The following NXPH2 variants were observed in gnomAD, a reference collection of about 807,000 sequenced individuals.
The protein encoded by NXPH2 is neurexophilin-2.
In NXPH2, 5 loss-of-function variants were observed where a neutral mutation model predicts 19.8. The ratio of observed to expected loss-of-function variants is 0.25; its 90% CI spans 0.13 to 0.53. The LOEUF (loss-of-function observed/expected upper bound fraction) is 0.53, where lower values mean the gene tolerates loss of function less well. NXPH2 is among the 20% of genes least tolerant of loss of function. The probability of loss-of-function intolerance (pLI) is 0.96; values close to 1 mark genes in which losing one functional copy is unlikely to be tolerated. For missense variants in NXPH2, 289 were observed against 322.8 expected (o/e 0.90, Z 0.80); for synonymous variants, 154 against 127.4 (o/e 1.21, Z -1.41).
chr2:138,718,698 G>A (rs1388242202), intron 1 of NXPH2, among the ~76,000 whole-genome samples: 2 of 152,144 alleles, frequency 1.3e-5, no homozygotes, highest in Admixed American at 6.6e-5. Flanking sequence ...GTGGCTAAAG[G>A]TAAGTGTCTT....
chr2:138,733,731 A>G (rs1346835598), intron 1 of NXPH2, among the ~76,000 whole-genome samples: 1 of 152,206 alleles, frequency 6.6e-6, no homozygotes, highest in Non-Finnish European at 1.5e-5. Flanking sequence ...AAAGGAGGCT[A>G]CTGTACCCAT....
At chr2:138,767,737 T>C (rs1287744465) in intron 1 of NXPH2, among the ~76,000 whole-genome samples, 1 of 152,246 alleles carries the variant, frequency 6.6e-6, no homozygotes, top group East Asian at 1.9e-4. Context: ...ATTTTTCATT[T>C]GAGCATGGAA....
At chr2:138,716,574 G>A (rs192019402) in intron 1 of NXPH2, among the ~76,000 whole-genome samples, 67 of 152,256 alleles carry the variant, frequency 4.4e-4, no homozygotes, top group Admixed American at 2.5e-3. Flanking sequence ...GTTTAAGCCC[G>A]TCAGTTTGTG....
At chr2:138,673,170 T>G (rs1262127056) in intron 1 of NXPH2, among the ~76,000 whole-genome samples, 1 of 152,238 alleles carries the variant, frequency 6.6e-6, no homozygotes, top group African/African-American at 2.4e-5. Flanking sequence ...CAAATTGGTA[T>G]GATGCATATT....
At chr2:138,679,801 T>C (rs1680545449) in intron 1 of NXPH2, among the ~76,000 whole-genome samples, 1 of 152,208 alleles carries the variant, frequency 6.6e-6, no homozygotes, top group Non-Finnish European at 1.5e-5. Flanking sequence ...TTTAGAAATA[T>C]TTCCACAAAA....
At chr2:138,723,405 T>C (rs1681309583) in intron 1 of NXPH2, among the ~76,000 whole-genome samples, 1 of 152,228 alleles carries the variant, frequency 6.6e-6, no homozygotes, top group South Asian at 2.1e-4. Context: ...TCAGCCCATT[T>C]GGCTCAAACC....
chr2:138,698,270 T>C (rs1204085126), intron 1 of NXPH2, among the ~76,000 whole-genome samples: 2 of 152,168 alleles, frequency 1.3e-5, no homozygotes, highest in African/African-American at 4.8e-5. Context: ...GGGATACTCA[T>C]TTCTATAATG....
intron 1 of NXPH2, among the ~76,000 whole-genome samples, chr2:138,739,984 G>A (rs1055944551): frequency 3.9e-5 from 6 of 152,172 alleles, no homozygotes; most frequent in African/African-American, 1.4e-4. Flanking sequence ...AATAGCTGTG[G>A]TAATTTTGCC....
chr2:138,757,805 G>C (rs1681937117), intron 1 of NXPH2, among the ~76,000 whole-genome samples: 1 of 143,222 alleles, frequency 7.0e-6, no homozygotes, highest in African/African-American at 2.6e-5. Flanking sequence ...GTATATGTGT[G>C]TGTTTCTTTA....
chr2:138,673,699 A>G (rs1680445451), intron 1 of NXPH2, among the ~76,000 whole-genome samples: 1 of 151,434 alleles, frequency 6.6e-6, no homozygotes, highest in Admixed American at 6.6e-5. Context: ...GGTGGTCTCA[A>G]GCTGCTGGCC....
rs1258472522 is a variant in NXPH2 at position 138,670,468 on chromosome 2, C to A, written c.*454G>T. On this transcript the variant is annotated 3_prime_UTR_variant, in exon 2 of 2. Transcript: ENST00000272641. ...AGATAGAAATATAAAAAAAAGGGTCCAATGTCAAAAACACAATTCATCTAT... is the reference window on the plus strand; with the variant it reads ...AGATAGAAATATAAAAAAAAGGGTCAAATGTCAAAAACACAATTCATCTAT... Among the ~76,000 whole-genome samples the A allele has an allele frequency of 2.6e-5, 4 of 152,096 alleles. No individual in the cohort carries two copies. The highest frequency in any genetic ancestry group is 2.6e-4 in the Admixed American group (4 of 15,270).
At chr2:138,738,994 T>C (rs904293960) in intron 1 of NXPH2, among the ~76,000 whole-genome samples, 3 of 152,144 alleles carry the variant, frequency 2.0e-5, no homozygotes, top group Non-Finnish European at 4.4e-5. Context: ...AACGAAGTCC[T>C]GGGAAACAGA....
At chr2:138,771,349 G>C (rs1682171340) in intron 1 of NXPH2, among the ~76,000 whole-genome samples, 2 of 151,894 alleles carry the variant, frequency 1.3e-5, no homozygotes, top group Admixed American at 1.3e-4. Flanking sequence ...TATTATAAAA[G>C]CATACATATC....
intron 1 of NXPH2, among the ~76,000 whole-genome samples, chr2:138,685,839 T>C (rs1680643275): frequency 6.6e-6 from 1 of 152,184 alleles, no homozygotes; most frequent in African/African-American, 2.4e-5. Context: ...TCCATGCTGC[T>C]CCCAGAGTAA....
At chr2:138,724,316 T>C (rs1353182650) in intron 1 of NXPH2, among the ~76,000 whole-genome samples, 3 of 152,262 alleles carry the variant, frequency 2.0e-5, no homozygotes, top group Non-Finnish European at 2.9e-5. Flanking sequence ...TTAGGGAATG[T>C]TGCATCCATT....
intron 1 of NXPH2, among the ~76,000 whole-genome samples, chr2:138,679,646 C>T (rs531983621): frequency 6.6e-6 from 1 of 152,224 alleles, no homozygotes; most frequent in East Asian, 1.9e-4. Flanking sequence ...GTGATCCACC[C>T]GCCTCTGCCT....
At chr2:138,691,250 A>C (rs943933661) in intron 1 of NXPH2, among the ~76,000 whole-genome samples, 9 of 152,184 alleles carry the variant, frequency 5.9e-5, no homozygotes, top group Non-Finnish European at 1.0e-4. Context: ...AAATTCTTCA[A>C]CTTACAAAAT....
intron 1 of NXPH2, among the ~76,000 whole-genome samples, chr2:138,682,833 T>C (rs1680597815): frequency 6.6e-6 from 1 of 152,172 alleles, no homozygotes; most frequent in South Asian, 2.1e-4. Flanking sequence ...GAAAAATCAG[T>C]GACACCAACC....
At chr2:138,777,248 T>A (rs1447980836) in intron 1 of NXPH2, among the ~76,000 whole-genome samples, 1 of 152,158 alleles carries the variant, frequency 6.6e-6, no homozygotes. Flanking sequence ...TTTCAAATGC[T>A]AATTTTTTTC....
Sources: gnomAD v4.1 joint callset for allele counts (sites outside exome capture counted in the v4.1 genomes callset) on GRCh38, gnomAD v4.1.1 for gene constraint, MANE v1.5 for transcripts, NCBI Gene and HGNC (gene_info 2026-07-23, HGNC 2026-07-21) for gene names.